The following LAMB1 variants were observed in gnomAD, a reference collection of about 807,000 sequenced individuals.
The protein encoded by LAMB1 is laminin subunit beta-1.
In LAMB1, 121 loss-of-function variants were observed where a neutral mutation model predicts 222.3. That is an observed-to-expected ratio of 0.54 (90% confidence interval 0.47 to 0.63). The LOEUF (loss-of-function observed/expected upper bound fraction) is 0.63, where lower values mean the gene tolerates loss of function less well. LAMB1 is among the 30% of genes least tolerant of loss of function. The pLI, the probability that LAMB1 is intolerant of heterozygous loss-of-function variation, is 0.00. For missense variants in LAMB1, 2,172 were observed against 2,240.8 expected (o/e 0.97, Z 0.62); for synonymous variants, 794 against 807.2 (o/e 0.98, Z 0.28).
Position 107,929,293 on chromosome 7 carries a change from G to A in LAMB1, c.4746-88C>T, listed in dbSNP as rs1262693560. 3 of 1,540,668 alleles carry A rather than the reference G, an allele frequency of 1.9e-6. No individual in the cohort carries two copies. The African/African-American group carries it at 4.1e-5, about 21-fold the overall frequency. On this transcript the variant is annotated intron_variant, in intron 30 of 33. Coordinates refer to ENST00000222399, the MANE Select transcript of LAMB1 (RefSeq NM_002291.3). The stretch of plus-strand genomic sequence containing the variant: ...CTTTTCTTTAAAGAATAGCCTTCCT[G>A]AAATGACCCAGAGAGACTCGCATAG...
intron 5 of LAMB1, among the ~76,000 whole-genome samples, chr7:107,991,881 C>T (rs2034190196): frequency 1.6e-5 from 2 of 124,914 alleles, no homozygotes; most frequent in Admixed American, 2.1e-4. Flanking sequence ...GCACTCCAGC[C>T]TGGGAGAGAG....
intron 20 of LAMB1, 39 bp downstream of exon 20, chr7:107,959,210 G>A (rs1318715842): frequency 6.6e-7 from 1 of 1,521,104 alleles, no homozygotes; most frequent in African/African-American, 1.4e-5. Context: ...TGCTCAGCCA[G>A]AGATCACTAC....
intron 26 of LAMB1, among the ~76,000 whole-genome samples, chr7:107,936,614 T>G (rs2032853603): frequency 6.6e-6 from 1 of 152,326 alleles, no homozygotes; most frequent in Non-Finnish European, 1.5e-5. Context: ...GTATGGATAG[T>G]TGGACAGTAT....
At chr7:107,952,961 A>G (rs1208438957) in intron 22 of LAMB1, among the ~76,000 whole-genome samples, 1 of 151,938 alleles carries the variant, frequency 6.6e-6, no homozygotes, top group Non-Finnish European at 1.5e-5. Context: ...GATGCCATTT[A>G]TCATGGGGAC....
intron 5 of LAMB1, among the ~76,000 whole-genome samples, chr7:107,994,015 C>T (rs1229978672): frequency 6.6e-6 from 1 of 152,234 alleles, no homozygotes; most frequent in Non-Finnish European, 1.5e-5. Flanking sequence ...ACTTTCATGG[C>T]TACCCGCCCA....
At chr7:107,928,943 T>C in intron 31 of LAMB1, 121 bp downstream of exon 31, 7 of 965,924 alleles carry the variant, frequency 7.2e-6, no homozygotes, top group East Asian at 2.4e-5. Context: ...AGTTTAGATT[T>C]ATTAAAGGAA....
At position 107,973,139 on chromosome 7, in the gene LAMB1, C is replaced by A. The variant is rs1460426049; in HGVS notation, c.1483-68G>T. Reference sequence around the variant, plus strand: ...ATTATGCAACAGACTCAGCAACAAGCAAGTTAAAGCTTGTTTCGGCTGTTC... The same window carrying A: ...ATTATGCAACAGACTCAGCAACAAGAAAGTTAAAGCTTGTTTCGGCTGTTC... On this transcript the variant is annotated intron_variant, in intron 12 of 33. Transcript: ENST00000222399. 5 of 1,277,026 alleles carry A rather than the reference C, an allele frequency of 3.9e-6. No homozygotes were observed. In the African/African-American group the frequency reaches 7.3e-5, roughly 19 times the overall value. 79.1% of individuals were successfully genotyped at this position (1,277,026 alleles called of 1,614,324 possible).
In LAMB1 at chr7:107,959,706, G is replaced by T. The variant is rs1229043964; in HGVS notation, c.2443C>A (p.Pro815Thr). 38 of 1,614,030 alleles carry T rather than the reference G, an allele frequency of 2.4e-5. No homozygotes were observed. Among genetic ancestry groups the T allele is most frequent in the Non-Finnish European group, 3.2e-5 (38 of 1,180,052 alleles). The stretch of plus-strand genomic sequence containing the variant: ...AGGAACCTACGTTTGCATCCACTGG[G>T]GCCAAAGCCAAAAGTTCCAGGTGCA... The part of the protein sequence containing the change: ...RCAPGTFGFG[P>T]SGCKPCECHL... The change falls in exon 19 of 34, where the codon CCC becomes ACC. Residue 815 changes from proline to threonine, a missense_variant. Coordinates refer to ENST00000222399, the MANE Select transcript of LAMB1 (RefSeq NM_002291.3).
chr7:107,995,047 T>G, intron 4 of LAMB1, 87 bp from the exon 5 acceptor site: 1 of 698,758 alleles, frequency 1.4e-6, no homozygotes, highest in Non-Finnish European at 2.4e-6. Flanking sequence ...TTTAAATTAC[T>G]TTTATGTTCC....
At chr7:107,928,204 AGT>A (rs1172998761) in intron 31 of LAMB1, among the ~76,000 whole-genome samples, 10 of 152,238 alleles carry the variant, frequency 6.6e-5, no homozygotes, top group Admixed American at 3.9e-4. Context: ...AATATCTGGT[AGT>A]CACAGTATAT....
chr7:107,972,227 A>G (rs969776298), intron 13 of LAMB1, among the ~76,000 whole-genome samples: 1 of 152,196 alleles, frequency 6.6e-6, no homozygotes, highest in African/African-American at 2.4e-5. Flanking sequence ...TTCCCAGCAG[A>G]CTACTATGGT....
intron 5 of LAMB1, among the ~76,000 whole-genome samples, chr7:107,989,346 A>C (rs1180396912): frequency 6.6e-6 from 1 of 152,232 alleles, no homozygotes; most frequent in East Asian, 1.9e-4. Context: ...ACAGAACCTA[A>C]ATAAAGACAC....
At chr7:107,977,080 T>TCTCCTTCCTTCCTTTCCTCTCC (rs2033881499) in intron 9 of LAMB1, among the ~76,000 whole-genome samples, 1 of 77,676 alleles carries the variant, frequency 1.3e-5, no homozygotes, top group African/African-American at 4.3e-5. Flanking sequence ...CTTTCCTCTC[T>TCTCCTTCCTTCCTTTCCTCTCC]CTCCTTCCTT....
At chr7:107,988,311 C>G (rs941394781) in intron 5 of LAMB1, among the ~76,000 whole-genome samples, 1 of 152,168 alleles carries the variant, frequency 6.6e-6, no homozygotes, top group Admixed American at 6.5e-5. Flanking sequence ...TGTGTGATGT[C>G]CACTTGGAGA....
intron 13 of LAMB1, among the ~76,000 whole-genome samples, chr7:107,966,434 C>T (rs922272659): frequency 6.6e-6 from 1 of 152,068 alleles, no homozygotes; most frequent in African/African-American, 2.4e-5. Flanking sequence ...TGGTCTCAAT[C>T]TCCTGACCTC....
chr7:107,937,712 CCTT>C (rs1377947816), intron 25 of LAMB1, among the ~76,000 whole-genome samples: 2 of 152,192 alleles, frequency 1.3e-5, no homozygotes, highest in Non-Finnish European at 2.9e-5. Context: ...TCAGGGATCT[CCTT>C]CAAGATGGAA....
In LAMB1 at chr7:107,924,224, A is replaced by T. The variant is rs376506246; in HGVS notation, c.5224+6T>A. 7 of 1,591,196 alleles carry T rather than the reference A, an allele frequency of 4.4e-6. No homozygotes were observed. The highest frequency in any genetic ancestry group is 1.4e-5 in the African/African-American group (1 of 73,050). On this transcript the variant is annotated splice_donor_region_variant and intron_variant, in intron 33 of 33. Coordinates refer to ENST00000222399, the MANE Select transcript of LAMB1 (RefSeq NM_002291.3). ...TTAAAAAATAAGCCTGTGTGAAAAG[A>T]CCCACCTTTGAGCAGTTGCAGCTTG...
intron 5 of LAMB1, among the ~76,000 whole-genome samples, chr7:107,987,186 A>G (rs2034095777): frequency 6.6e-6 from 1 of 152,240 alleles, no homozygotes. Context: ...ATGCTAAGAG[A>G]AATAAGCCAC....
rs78303178 is a variant in LAMB1 at position 107,970,488 on chromosome 7, CA to C, written c.1562+2503del. ...TAGGTGACAAAGCGAAACTCTGTCTCAAAAAAAAAAAAAAAAAGGGGGGGGT... is the reference window on the plus strand; with the variant it reads ...TAGGTGACAAAGCGAAACTCTGTCTCAAAAAAAAAAAAAAAAGGGGGGGGT... On this transcript the variant is annotated intron_variant, in intron 13 of 33. Transcript: ENST00000222399. Among the ~76,000 whole-genome samples the C allele has an allele frequency of 6.8e-3, 292 of 43,120 alleles. 1 individual carries two copies. The highest frequency in any genetic ancestry group is 0.013 in the African/African-American group (199 of 14,922). 28.3% of individuals were successfully genotyped at this position (43,120 alleles called of 152,430 possible). A position where few individuals can be genotyped will look rare whatever the true frequency, so the allele number is the denominator to read the frequency against.
Sources: allele counts gnomAD v4.1 joint callset (sites outside exome capture counted in the v4.1 genomes callset), GRCh38; gene constraint gnomAD v4.1.1; transcripts MANE v1.5; gene names NCBI Gene and HGNC (gene_info 2026-07-23, HGNC 2026-07-21).